Variants in LAMA1 observed in about 807,000 individuals in gnomAD.
The protein encoded by LAMA1 is laminin subunit alpha-1.
LAMA1 carries 219 observed loss-of-function variants against 348.7 expected under a neutral mutation model. The observed-to-expected ratio is 0.63, with a 90% CI of 0.56 to 0.70. The LOEUF (loss-of-function observed/expected upper bound fraction) is 0.70, where lower values mean the gene tolerates loss of function less well. LAMA1 is among the 30% of genes least tolerant of loss of function. The pLI is 0.00. For missense variants in LAMA1, 3,744 were observed against 3,888.0 expected (o/e 0.96, Z 0.99); for synonymous variants, 1,487 against 1,491.0 (o/e 1.00, Z 0.06).
chr18:6,942,869 A>G (rs1480331422), intron 62 of LAMA1, among the ~76,000 whole-genome samples: 1 of 152,202 alleles, frequency 6.6e-6, no homozygotes, highest in East Asian at 1.9e-4. Context: ...TTTGTTTCCT[A>G]AAACGATTCC....
chr18:7,116,080 C>T (rs1184744930), intron 1 of LAMA1, among the ~76,000 whole-genome samples: 1 of 152,178 alleles, frequency 6.6e-6, no homozygotes, highest in African/African-American at 2.4e-5. Flanking sequence ...CATTAAAGGG[C>T]TCCTGCCCTG....
chr18:6,972,695 T>A (rs1204731244), intron 47 of LAMA1, among the ~76,000 whole-genome samples: 1 of 152,210 alleles, frequency 6.6e-6, no homozygotes, highest in Non-Finnish European at 1.5e-5. Flanking sequence ...GCTTTTATTT[T>A]TTTATTTTTT....
intron 48 of LAMA1, 41 bp downstream of exon 48, chr18:6,971,816 C>T: frequency 6.2e-7 from 1 of 1,613,050 alleles, no homozygotes; most frequent in South Asian, 1.1e-5. Context: ...CAGATGTTAA[C>T]AGAATAACAT....
intron 1 of LAMA1, among the ~76,000 whole-genome samples, chr18:7,113,264 GC>G (rs1327457544): frequency 2.0e-5 from 3 of 152,204 alleles, no homozygotes; most frequent in Non-Finnish European, 4.4e-5. Flanking sequence ...GCACTTAAGA[GC>G]CCATGTGCCA....
intron 16 of LAMA1, among the ~76,000 whole-genome samples, chr18:7,026,309 T>C (rs969025140): frequency 1.3e-5 from 2 of 152,188 alleles, no homozygotes. Context: ...ATCTGAGAGC[T>C]TTCTCTCTGA....
rs35789852 is a variant in LAMA1, at chr18:7,012,497, A to ATATTAT, written c.3364-365_3364-360dup. On this transcript the variant is annotated intron_variant, in intron 23 of 62. Coordinates refer to ENST00000389658, the MANE Select transcript of LAMA1 (RefSeq NM_005559.4). The stretch of plus-strand genomic sequence containing the variant: ...GATAAATATTATTATTATTATTATT[A>ATATTAT]TATTATTATTATTATTATTATTATT... Among the ~76,000 whole-genome samples the ATATTAT allele has an allele frequency of 1.6e-3, 224 of 143,576 alleles. 8 individuals carry two copies. Among genetic ancestry groups the ATATTAT allele is most frequent in the Admixed American group, 0.013 (185 of 14,354 alleles). 94.2% of individuals were successfully genotyped at this position (143,576 alleles called of 152,430 possible).
In LAMA1 at chr18:7,107,969, G is replaced by A. The variant is rs183191947; in HGVS notation, c.61+9691C>T. Among the ~76,000 whole-genome samples, 688 of 151,228 alleles carry A rather than the reference G, an allele frequency of 4.5e-3. 13 individuals carry two copies. Among genetic ancestry groups the A allele is most frequent in the Admixed American group, 0.038 (575 of 15,184 alleles). On this transcript the variant is annotated intron_variant, in intron 1 of 62. Transcript: ENST00000389658. ...GCAGAGCTTGCAGTGAGCCAAGATCGCGCCACTGCACTCCAGCCTGGGCGA... is the reference window on the plus strand; with the variant it reads ...GCAGAGCTTGCAGTGAGCCAAGATCACGCCACTGCACTCCAGCCTGGGCGA...
Position 7,052,039 on chromosome 18 carries a change from A to G in LAMA1, c.346-1103T>C, listed in dbSNP as rs142079565. Among the ~76,000 whole-genome samples, 12 of 152,338 alleles carry G rather than the reference A, an allele frequency of 7.9e-5. No individual in the cohort carries two copies. In the East Asian group the frequency reaches 2.3e-3, roughly 29 times the overall value. On this transcript the variant is annotated intron_variant, in intron 3 of 62. Coordinates refer to ENST00000389658, the MANE Select transcript of LAMA1 (RefSeq NM_005559.4). ...GCAACCAAGATGTCCTTTAATAGGT[A>G]AATAGAAACACACGCTATGGTGCAT... is the stretch of plus-strand genomic sequence containing the variant.
intron 1 of LAMA1, among the ~76,000 whole-genome samples, chr18:7,094,622 G>A (rs1331789167): frequency 6.6e-6 from 1 of 151,944 alleles, no homozygotes; most frequent in Non-Finnish European, 1.5e-5. Flanking sequence ...TCCAAGTCTT[G>A]GAGACCTTTA....
In LAMA1 at chr18:7,007,237, C is replaced by T; in HGVS notation, c.4162G>A (p.Gly1388Arg). The T allele has an allele frequency of 2.5e-6, 4 of 1,614,156 alleles. No homozygotes were observed. Among genetic ancestry groups the T allele is most frequent in the Non-Finnish European group, 2.5e-6 (3 of 1,180,034 alleles). Residue 1388 changes from glycine to arginine, a missense_variant, in exon 29 of 63, where the codon GGG becomes AGG. By Grantham distance (125) the Gly-to-Arg change is moderately radical. Transcript: ENST00000389658. ...AGAGGGCGTGGTCCCCTGTCACTCC[C>T]TGCTGGGAGCTTCCCTCTGTGGTAC... ...PGYHRGKLPA[G>R]SDRGPRPLVA...
chr18:7,033,766 G>A (rs1410561334), intron 14 of LAMA1, among the ~76,000 whole-genome samples: 3 of 151,444 alleles, frequency 2.0e-5, no homozygotes, highest in South Asian at 4.2e-4. Context: ...ACAAAGTCTC[G>A]TTGTGCTGCC....
chr18:6,959,831 T>C (rs2057598760), intron 53 of LAMA1: 1 of 319,304 alleles, frequency 3.1e-6, no homozygotes, highest in Non-Finnish European at 6.1e-6. Flanking sequence ...TTTCCAACTT[T>C]TTATTACCAT....
chr18:7,040,332 T>TA (rs2058015188), intron 9 of LAMA1, 96 bp from the exon 10 acceptor site: 3 of 1,313,514 alleles, frequency 2.3e-6, no homozygotes, highest in Non-Finnish European at 3.3e-6. Flanking sequence ...AGAGGGTATC[T>TA]ATTTTAGGCT....
chr18:7,011,885 A>G, intron 24 of LAMA1, 110 bp downstream of exon 24: 2 of 1,326,974 alleles, frequency 1.5e-6, no homozygotes, highest in Non-Finnish European at 2.1e-6. Flanking sequence ...AGAATTTTGG[A>G]TGCCATAAGA....
chr18:7,038,308 G>A (rs2058004518), intron 11 of LAMA1, among the ~76,000 whole-genome samples: 1 of 152,006 alleles, frequency 6.6e-6, no homozygotes, highest in African/African-American at 2.4e-5. Context: ...AGCCACCACT[G>A]GACACCCCTG....
At chr18:7,059,631 C>A (rs193171473) in intron 3 of LAMA1, among the ~76,000 whole-genome samples, 1 of 152,270 alleles carries the variant, frequency 6.6e-6, no homozygotes, top group East Asian at 1.9e-4. Flanking sequence ...CATGTGCAGA[C>A]AGAAGTGAAG....
chr18:7,039,480 A>G (rs1306022815), intron 10 of LAMA1, among the ~76,000 whole-genome samples: 1 of 152,184 alleles, frequency 6.6e-6, no homozygotes, highest in African/African-American at 2.4e-5. Context: ...CAGACACTCA[A>G]AATAGCATAT....
chr18:6,990,942 C>T (rs1350266724), intron 36 of LAMA1, among the ~76,000 whole-genome samples: 2 of 152,036 alleles, frequency 1.3e-5, no homozygotes, highest in Non-Finnish European at 2.9e-5. Flanking sequence ...ACTGGGTTCT[C>T]CCCTACTTGG....
intron 15 of LAMA1, 24 bp from the exon 16 acceptor site, chr18:7,032,200 C>T (rs1247387406): frequency 1.4e-6 from 2 of 1,475,604 alleles, no homozygotes; most frequent in South Asian, 1.1e-5. Flanking sequence ...GAAAGTCATC[C>T]TCTTTCCACT....
Sources: gnomAD v4.1 joint callset for allele counts (sites outside exome capture counted in the v4.1 genomes callset) on GRCh38, gnomAD v4.1.1 for gene constraint, MANE v1.5 for transcripts, NCBI Gene and HGNC (gene_info 2026-07-23, HGNC 2026-07-21) for gene names.